The following NCEH1 variants were observed in gnomAD, a reference collection of about 807,000 sequenced individuals.
NCEH1 encodes the protein 2-acetyl MAGE hydrolase.
In NCEH1, 9 loss-of-function variants were observed where a neutral mutation model predicts 25.4. That is an observed-to-expected ratio of 0.35 (90% CI 0.21 to 0.62). The LOEUF (loss-of-function observed/expected upper bound fraction) is 0.62. Among genes scored for constraint, NCEH1 ranks in the 20% least tolerant of loss-of-function variants. NCEH1 has a pLI of 0.72. For synonymous variants in NCEH1, 200 were observed against 199.8 expected (o/e 1.00, Z -0.01); for missense variants, 412 against 501.1 (o/e 0.82, Z 1.70).
chr3:172,663,367 A>T (rs1004993167), intron 1 of NCEH1, among the ~76,000 whole-genome samples: 4 of 151,986 alleles, frequency 2.6e-5, no homozygotes, highest in Admixed American at 2.0e-4. Flanking sequence ...TGCTGAGGAG[A>T]GCTTTACTTC....
At chr3:172,648,456 GTA>G (rs1380440962) in intron 1 of NCEH1, among the ~76,000 whole-genome samples, 2 of 151,780 alleles carry the variant, frequency 1.3e-5, no homozygotes, top group Non-Finnish European at 2.9e-5. Context: ...TTCTAAATAA[GTA>G]TATCACAGTT....
chr3:172,636,827 G>C (rs1010496724), intron 3 of NCEH1, among the ~76,000 whole-genome samples: 1 of 152,182 alleles, frequency 6.6e-6, no homozygotes, highest in Non-Finnish European at 1.5e-5. Flanking sequence ...CTCTGGTTTT[G>C]TCAAATGCCT....
chr3:172,703,894 G>C (rs769402977), intron 1 of NCEH1, among the ~76,000 whole-genome samples: 21 of 152,152 alleles, frequency 1.4e-4, no homozygotes, highest in Non-Finnish European at 2.5e-4. Context: ...TAATGCCCCT[G>C]ACACTATTCT....
At chr3:172,641,622 G>A (rs540146104) in intron 3 of NCEH1, among the ~76,000 whole-genome samples, 14 of 152,310 alleles carry the variant, frequency 9.2e-5, no homozygotes, top group African/African-American at 2.6e-4. Flanking sequence ...TCTAGAAGGC[G>A]GAGCTCCAGA....
intron 1 of NCEH1, among the ~76,000 whole-genome samples, chr3:172,704,121 GCA>G (rs1446719948): frequency 6.6e-6 from 1 of 152,152 alleles, no homozygotes; most frequent in African/African-American, 2.4e-5. Context: ...TTGAAGTTCT[GCA>G]CAGTTTCCAG....
At chr3:172,701,894 C>T (rs992969885) in intron 1 of NCEH1, among the ~76,000 whole-genome samples, 2 of 152,144 alleles carry the variant, frequency 1.3e-5, no homozygotes, top group South Asian at 2.1e-4. Flanking sequence ...AGAGCTCTTC[C>T]TCACCTGACT....
chr3:172,684,450 A>G (rs1471135755), intron 1 of NCEH1, among the ~76,000 whole-genome samples: 1 of 151,926 alleles, frequency 6.6e-6, no homozygotes, highest in East Asian at 1.9e-4. Flanking sequence ...GAAATGGCTC[A>G]CTAAAGTGCA....
intron 1 of NCEH1, among the ~76,000 whole-genome samples, chr3:172,702,067 T>C (rs1201389268): frequency 1.3e-5 from 2 of 152,212 alleles, no homozygotes; most frequent in Admixed American, 6.5e-5. Context: ...CTGGTTTCTA[T>C]TATAAGGAAA....
At chr3:172,654,716 T>C (rs540309912) in intron 1 of NCEH1, among the ~76,000 whole-genome samples, 120 of 152,310 alleles carry the variant, frequency 7.9e-4, no homozygotes, top group African/African-American at 2.5e-3. Context: ...CCAGCAACAT[T>C]AACACTTAAA....
intron 1 of NCEH1, among the ~76,000 whole-genome samples, chr3:172,658,065 A>G (rs1717783796): frequency 6.6e-6 from 1 of 152,194 alleles, no homozygotes; most frequent in East Asian, 1.9e-4. Context: ...ACAGGAGGTC[A>G]GCACAAAACA....
chr3:172,673,848 T>C (rs552283813), intron 1 of NCEH1, among the ~76,000 whole-genome samples: 39 of 152,316 alleles, frequency 2.6e-4, no homozygotes, highest in African/African-American at 9.1e-4. Context: ...CCGCATACTT[T>C]TCAGCCCTCA....
rs1054739074 is a variant in NCEH1, at chr3:172,638,723, A to G, written c.438-2636T>C. The stretch of plus-strand genomic sequence containing the variant: ...TTGCCCAGATGGTCAGAACATATCC[A>G]CTAGCATCCATATGTCAAATAAGTT... On this transcript the variant is annotated intron_variant, in intron 3 of 4. Coordinates refer to ENST00000475381, the MANE Select transcript of NCEH1 (RefSeq NM_020792.6). 2.6e-5 allele frequency among the ~76,000 whole-genome samples: 4 copies of G among 152,230 alleles called. No individual in the cohort carries two copies. The South Asian group carries it at 8.3e-4, about 32-fold the overall frequency.
chr3:172,674,081 A>C lies in NCEH1; in HGVS notation c.139-25967T>G, dbSNP rs184516878. On this transcript the variant is annotated intron_variant, in intron 1 of 4. Coordinates refer to ENST00000475381, the MANE Select transcript of NCEH1 (RefSeq NM_020792.6). ...AACCAGCAGAAGCCCAACCCCAGGA[A>C]ATAAAACCTTTATTTAACCCAAGAA... Among the ~76,000 whole-genome samples, 116 of 152,350 alleles carry C rather than the reference A, an allele frequency of 7.6e-4. 1 individual carries two copies. The highest frequency in any genetic ancestry group is 2.6e-3 in the African/African-American group (109 of 41,578).
At chr3:172,652,857 G>A (rs892565628) in intron 1 of NCEH1, among the ~76,000 whole-genome samples, 1 of 151,236 alleles carries the variant, frequency 6.6e-6, no homozygotes. Flanking sequence ...CACCACACCT[G>A]GCTAATTTTT....
intron 1 of NCEH1, among the ~76,000 whole-genome samples, chr3:172,650,381 C>T (rs774067075): frequency 2.6e-5 from 4 of 151,748 alleles, no homozygotes; most frequent in Non-Finnish European, 4.4e-5. Flanking sequence ...CGGTGGCTCA[C>T]GCCTGTAATC....
rs1288524118 is a variant in NCEH1, at chr3:172,690,145, C to T, written c.138+20702G>A. ...GTCTCAATCTCCTCACCTCGTGATC[C>T]ACCCGCCTCGGCCTCCCAAAGTGCT... On this transcript the variant is annotated intron_variant, in intron 1 of 4. Coordinates refer to ENST00000475381, the MANE Select transcript of NCEH1 (RefSeq NM_020792.6). Among the ~76,000 whole-genome samples, 6 of 152,112 alleles carry T rather than the reference C, an allele frequency of 3.9e-5. No individual in the cohort carries two copies. In the East Asian group the frequency reaches 5.8e-4, roughly 15 times the overall value.
At chr3:172,703,390 T>C (rs1324782275) in intron 1 of NCEH1, among the ~76,000 whole-genome samples, 1 of 151,822 alleles carries the variant, frequency 6.6e-6, no homozygotes, top group Non-Finnish European at 1.5e-5. Flanking sequence ...TAGCCGGGCA[T>C]CATGGCGGGG....
chr3:172,659,983 TTC>T (rs1048691226), intron 1 of NCEH1, among the ~76,000 whole-genome samples: 8 of 147,952 alleles, frequency 5.4e-5, no homozygotes, highest in African/African-American at 2.1e-4. Flanking sequence ...CCTGAAGCAT[TTC>T]TTTTTTTTTT....
chr3:172,694,378 A>ATGTGTGTGTG lies in NCEH1; in HGVS notation c.138+16459_138+16468dup, dbSNP rs369794698. On this transcript the variant is annotated intron_variant, in intron 1 of 4. Coordinates refer to ENST00000475381, the MANE Select transcript of NCEH1 (RefSeq NM_020792.6). ...GTTATTTGGGGAAAGAGTTATATAT[A>ATGTGTGTGTG]TGTGTGTGTGTGTGTCTGTGTGTGT... is the stretch of plus-strand genomic sequence containing the variant. Among the ~76,000 whole-genome samples, 642 of 151,338 alleles carry ATGTGTGTGTG rather than the reference A, an allele frequency of 4.2e-3. 4 individuals carry two copies. Among genetic ancestry groups the ATGTGTGTGTG allele is most frequent in the African/African-American group, 0.015 (618 of 41,052 alleles).
Sources: allele counts gnomAD v4.1 joint callset (sites outside exome capture counted in the v4.1 genomes callset), GRCh38; gene constraint gnomAD v4.1.1; transcripts MANE v1.5; gene names NCBI Gene and HGNC (gene_info 2026-07-23, HGNC 2026-07-21).